The following CACNA2D2 variants were observed in gnomAD, a reference collection of about 807,000 sequenced individuals.
CACNA2D2 encodes the protein calcium voltage-gated channel auxiliary subunit alpha2delta 2.
CACNA2D2 carries 48 observed loss-of-function variants against 166.4 expected under a neutral mutation model. The observed-to-expected ratio is 0.29, with a 90% CI of 0.23 to 0.37. The LOEUF (loss-of-function observed/expected upper bound fraction) is 0.37, where lower values mean the gene tolerates loss of function less well. Ranked by LOEUF, CACNA2D2 falls within the 10% of genes least tolerant of loss-of-function variation. The pLI is 1.00. For missense variants in CACNA2D2, 1,122 were observed against 1,433.0 expected (o/e 0.78, Z 3.50); for synonymous variants, 561 against 573.7 (o/e 0.98, Z 0.32).
chr3:50,397,554 G>T (rs1055839818), intron 3 of CACNA2D2, among the ~76,000 whole-genome samples: 1 of 152,138 alleles, frequency 6.6e-6, no homozygotes, highest in Non-Finnish European at 1.5e-5. Context: ...TGACTTTCTT[G>T]GAGCAGGGTC....
chr3:50,370,239 G>A, intron 23 of CACNA2D2, 81 bp downstream of exon 23: 1 of 932,406 alleles, frequency 1.1e-6, no homozygotes, highest in Non-Finnish European at 1.7e-6. Flanking sequence ...GACACACAGA[G>A]CTCCAGGCAG....
At position 50,367,788 on chromosome 3, in the gene CACNA2D2, C is replaced by A; in HGVS notation, c.2234+24G>T. 6.2e-7 allele frequency: 1 copy of A among 1,612,092 alleles called. No individual in the cohort carries two copies. Among genetic ancestry groups the A allele is most frequent in the Non-Finnish European group, 8.5e-7 (1 of 1,178,580 alleles). On this transcript the variant is annotated intron_variant, in intron 25 of 37. Transcript: ENST00000424201. The surrounding 1 kb of genome is among the most constrained non-coding windows in gnomAD (Gnocchi z 6.5). ...CTCTGGGCCCATCCTAGCCTTCTGC[C>A]CCCACAGGCTGGGTGATGCCTACGT...
rs587775504 is a variant in CACNA2D2 at position 50,363,116 on chromosome 3, A to C, written c.*1550T>G. On this transcript the variant is annotated 3_prime_UTR_variant, in exon 38 of 38. Coordinates refer to ENST00000424201, the MANE Select transcript of CACNA2D2 (RefSeq NM_006030.4). Reference sequence around the variant, plus strand: ...TGTTTTTCTGTTTTTTAAACTTAAAATATATATTTTTCTGTATATGTTTAT... The same window carrying C: ...TGTTTTTCTGTTTTTTAAACTTAAACTATATATTTTTCTGTATATGTTTAT... The C allele has an allele frequency of 8.0e-5, 32 of 398,780 alleles. No homozygotes were observed. In the South Asian group the frequency reaches 2.2e-3, roughly 27 times the overall value. 24.7% of individuals were successfully genotyped at this position (398,780 alleles called of 1,614,324 possible).
At chr3:50,494,847 G>T (rs1190107699) in intron 1 of CACNA2D2, among the ~76,000 whole-genome samples, 1 of 151,728 alleles carries the variant, frequency 6.6e-6, no homozygotes, top group Non-Finnish European at 1.5e-5. Flanking sequence ...GCTAATTTTT[G>T]TATTTTTTTG....
chr3:50,460,757 G>A (rs1709553370), intron 2 of CACNA2D2, among the ~76,000 whole-genome samples: 1 of 152,086 alleles, frequency 6.6e-6, no homozygotes, highest in African/African-American at 2.4e-5. Flanking sequence ...GGGGGGCTGA[G>A]GCAGGAGAAT....
intron 1 of CACNA2D2, among the ~76,000 whole-genome samples, chr3:50,498,393 C>T (rs1185860930): frequency 6.6e-6 from 1 of 152,188 alleles, no homozygotes; most frequent in African/African-American, 2.4e-5. Flanking sequence ...CCTCAGGTTT[C>T]CATGAACAAC....
Position 50,374,767 on chromosome 3 carries a change from T to G in CACNA2D2, c.1954A>C (p.Asn652His), listed in dbSNP as rs1704880637. ...ACCTGCAGGATCTGGTCACTGAGAT[T>G]GGCTTGGAGGTAGAAGGTGCTGTAG... ...PPYSTFYLQANLSDQILQVKY... is the reference protein window; with the variant it reads ...PPYSTFYLQAHLSDQILQVKY... Residue 652 changes from asparagine to histidine, a missense_variant, in exon 22 of 38, where the codon AAT becomes CAT. Physicochemically the swap from Asn to His is moderately conservative, Grantham distance 68. This residue lies in a region of CACNA2D2 where 840 missense variants were observed against 1,166.8 expected (regional missense o/e 0.72). Transcript: ENST00000424201. 6.3e-7 allele frequency: 1 copy of G among 1,598,512 alleles called. No individual in the cohort carries two copies. The highest frequency in any genetic ancestry group is 1.1e-5 in the South Asian group (1 of 88,440).
At chr3:50,447,356 G>A (rs577147148) in intron 2 of CACNA2D2, among the ~76,000 whole-genome samples, 2 of 152,196 alleles carry the variant, frequency 1.3e-5, no homozygotes, top group Admixed American at 1.3e-4. Context: ...GGTGCCCTGG[G>A]CTTCCACATC....
intron 1 of CACNA2D2, among the ~76,000 whole-genome samples, chr3:50,500,426 C>A (rs1163088463): frequency 1.3e-5 from 2 of 152,206 alleles, no homozygotes; most frequent in East Asian, 3.9e-4. Context: ...GGCACAGAGG[C>A]CCAGCAGAGA....
At position 50,367,657 on chromosome 3, in the gene CACNA2D2, C is replaced by T. The variant is rs748253997; in HGVS notation, c.2282G>A (p.Arg761Gln). 1.9e-6 allele frequency: 3 copies of T among 1,611,634 alleles called. No individual in the cohort carries two copies. Among genetic ancestry groups the T allele is most frequent in the Non-Finnish European group, 2.5e-6 (3 of 1,178,414 alleles). ...GGTCACTTACTTGTTGGGGAAGACTCGGGTGATGCCACCGTCTGTGGCAGC... is the reference window on the plus strand; with the variant it reads ...GGTCACTTACTTGTTGGGGAAGACTTGGGTGATGCCACCGTCTGTGGCAGC... ...VFAATDGGITRVFPNKAAEDW... is the reference protein window; with the variant it reads ...VFAATDGGITQVFPNKAAEDW... Residue 761 changes from arginine to glutamine, a missense_variant, in exon 26 of 38, where the codon CGA (arginine) becomes CAA (glutamine). Arg to Gln is a conservative substitution (Grantham distance 43). This residue lies in a region of CACNA2D2 where 840 missense variants were observed against 1,166.8 expected (regional missense o/e 0.72). Transcript: ENST00000424201. The surrounding 1 kb of genome is among the most constrained non-coding windows in gnomAD (Gnocchi z 6.5).
intron 23 of CACNA2D2, 25 bp from the exon 24 acceptor site, chr3:50,368,260 A>G: frequency 6.8e-7 from 1 of 1,476,066 alleles, no homozygotes; most frequent in Middle Eastern, 1.7e-4. Context: ...GGGCAAGAAG[A>G]GTGGGCTTGG....
rs555663108 is a variant in CACNA2D2, at chr3:50,478,881, A to G, written c.207-2682T>C. Among the ~76,000 whole-genome samples, 36 of 152,314 alleles carry G rather than the reference A, an allele frequency of 2.4e-4. 1 individual carries two copies. Among genetic ancestry groups the G allele is most frequent in the African/African-American group, 7.5e-4 (31 of 41,568 alleles). On this transcript the variant is annotated intron_variant, in intron 1 of 37. Transcript: ENST00000424201. ...CTAGAAACCATGTTTTTCCCCCTGG[A>G]GAACAAATTGTAAACATTCAGCAGC... is the stretch of plus-strand genomic sequence containing the variant.
At chr3:50,392,093 G>T (rs1205735669) in intron 4 of CACNA2D2, among the ~76,000 whole-genome samples, 3 of 152,158 alleles carry the variant, frequency 2.0e-5, no homozygotes, top group Non-Finnish European at 4.4e-5. Context: ...TTCTGGGAGG[G>T]AACATGGCTC....
intron 4 of CACNA2D2, 152 bp from the exon 5 acceptor site, chr3:50,387,764 G>T: frequency 1.5e-6 from 1 of 646,174 alleles, no homozygotes; most frequent in African/African-American, 1.8e-5. Context: ...GGAAGGGCCG[G>T]ATAGGTCAGG....
At chr3:50,449,240 CCT>C (rs1026028260) in intron 2 of CACNA2D2, among the ~76,000 whole-genome samples, 1 of 152,206 alleles carries the variant, frequency 6.6e-6, no homozygotes, top group Non-Finnish European at 1.5e-5. Flanking sequence ...GCCCCCCACC[CCT>C]GTGATCCAAC....
At chr3:50,500,354 C>T (rs573489019) in intron 1 of CACNA2D2, among the ~76,000 whole-genome samples, 14 of 152,246 alleles carry the variant, frequency 9.2e-5, no homozygotes, top group African/African-American at 3.4e-4. Context: ...GTGCTCCACC[C>T]AGCACTCAGC....
chr3:50,390,606 C>A (rs1705838117), intron 4 of CACNA2D2, among the ~76,000 whole-genome samples: 2 of 152,162 alleles, frequency 1.3e-5, no homozygotes, highest in African/African-American at 2.4e-5. Context: ...GGCCATTTTG[C>A]CCAACTGGGT....
intron 3 of CACNA2D2, among the ~76,000 whole-genome samples, chr3:50,406,858 G>A (rs1706737936): frequency 6.6e-6 from 1 of 151,812 alleles, no homozygotes; most frequent in Non-Finnish European, 1.5e-5. Flanking sequence ...ACTGCTACCT[G>A]CACCATCACC....
rs554384330 is a variant in CACNA2D2, at chr3:50,409,518, C to T, written c.406-15350G>A. Among the ~76,000 whole-genome samples, 8 of 152,380 alleles carry T rather than the reference C, an allele frequency of 5.3e-5. No homozygotes were observed. The South Asian group carries it at 1.2e-3, about 24-fold the overall frequency. On this transcript the variant is annotated intron_variant, in intron 3 of 37. Transcript: ENST00000424201. ...GCACCAGCACCGCCTGTGCTGCACA[C>T]GGAGCTGTCATCGTGGGCGATGCCA...
Sources: gnomAD v4.1 joint callset for allele counts (sites outside exome capture counted in the v4.1 genomes callset) on GRCh38, gnomAD v4.1.1 for gene constraint, gnomAD v4.1.1 regional missense constraint, Gnocchi (gnomAD v3.1) non-coding constraint, MANE v1.5 for transcripts, NCBI Gene and HGNC (gene_info 2026-07-23, HGNC 2026-07-21) for gene names.